The following GRM7 variants were observed in gnomAD, a reference collection of about 807,000 sequenced individuals.
The protein encoded by GRM7 is glutamate metabotropic receptor 7, also known as metabotropic glutamate receptor 7.
Under a neutral mutation model 84.5 loss-of-function variants are expected in GRM7, and 35 were observed. That is an observed-to-expected ratio of 0.41 (90% CI 0.32 to 0.55). The LOEUF (loss-of-function observed/expected upper bound fraction) is 0.55, where lower values mean the gene tolerates loss of function less well. Ranked by LOEUF, GRM7 falls within the 20% of genes least tolerant of loss-of-function variation. The pLI is 0.19. For synonymous variants in GRM7, 487 were observed against 455.1 expected, an observed-to-expected ratio of 1.07 and a Z score of -0.89; for missense variants, 1,003 against 1,194.6, an observed-to-expected ratio of 0.84 and a Z score of 2.36.
intron 1 of GRM7, among the ~76,000 whole-genome samples, chr3:7,000,845 T>C (rs911203189): frequency 5.3e-5 from 8 of 152,164 alleles, no homozygotes; most frequent in Non-Finnish European, 8.8e-5. Context: ...TCACATTCCA[T>C]TGGCCAGAGC....
intron 9 of GRM7, among the ~76,000 whole-genome samples, chr3:7,713,716 T>C (rs1245009762): frequency 6.6e-6 from 1 of 151,534 alleles, no homozygotes; most frequent in East Asian, 1.9e-4. Flanking sequence ...ATAATAATTG[T>C]AAAACTGCAA....
chr3:7,619,375 T>C (rs149728494), intron 8 of GRM7, among the ~76,000 whole-genome samples: 103 of 152,008 alleles, frequency 6.8e-4, no homozygotes, highest in African/African-American at 2.4e-3. Context: ...AGTCAGACTG[T>C]GTACACTTAC....
intron 4 of GRM7, among the ~76,000 whole-genome samples, chr3:7,350,278 C>A (rs1186839810): frequency 6.6e-6 from 1 of 151,986 alleles, no homozygotes; most frequent in African/African-American, 2.4e-5. Flanking sequence ...ATTTCATGAT[C>A]AATTGTAATG....
chr3:7,637,668 C>T (rs553937649), intron 8 of GRM7, among the ~76,000 whole-genome samples: 4 of 152,294 alleles, frequency 2.6e-5, no homozygotes, highest in South Asian at 4.1e-4. Flanking sequence ...CACCTACCTG[C>T]GGACACGCTC....
chr3:7,007,301 A>G (rs553312590), intron 1 of GRM7, among the ~76,000 whole-genome samples: 1 of 152,346 alleles, frequency 6.6e-6, no homozygotes, highest in South Asian at 2.1e-4. Context: ...GATGATAAGG[A>G]TTAAATGGAA....
chr3:7,302,896 T>A (rs1700051802), intron 3 of GRM7, among the ~76,000 whole-genome samples: 1 of 151,422 alleles, frequency 6.6e-6, no homozygotes, highest in South Asian at 2.1e-4. Context: ...CAAAGTGGTA[T>A]CTCTAGGCCA....
At chr3:6,980,932 T>C (rs1271503785) in intron 1 of GRM7, among the ~76,000 whole-genome samples, 1 of 152,140 alleles carries the variant, frequency 6.6e-6, no homozygotes. Context: ...ATTACTGAAG[T>C]TACAAAATGC....
intron 1 of GRM7, among the ~76,000 whole-genome samples, chr3:7,086,599 C>A (rs1023395020): frequency 6.6e-6 from 1 of 152,166 alleles, no homozygotes; most frequent in Non-Finnish European, 1.5e-5. Flanking sequence ...TTGATGTTTG[C>A]CAGCCTCTAG....
At position 7,300,415 on chromosome 3, in the gene GRM7, G is replaced by T. The variant is rs184788182; in HGVS notation, c.878+1590G>T. On this transcript the variant is annotated intron_variant, in intron 3 of 9. Coordinates refer to ENST00000357716, the MANE Select transcript of GRM7 (RefSeq NM_000844.4). The stretch of plus-strand genomic sequence containing the variant: ...GAAAGAGTTTTGAATTTTTAAATGA[G>T]GATTACTTGCTTCTTAGATAATGAG... Among the ~76,000 whole-genome samples the T allele has an allele frequency of 4.4e-3, 677 of 152,272 alleles. 4 individuals are homozygous for T. Among genetic ancestry groups the T allele is most frequent in the African/African-American group, 0.016 (660 of 41,560 alleles).
intron 2 of GRM7, among the ~76,000 whole-genome samples, chr3:7,170,856 C>T (rs1366055609): frequency 6.6e-6 from 1 of 152,166 alleles, no homozygotes; most frequent in Non-Finnish European, 1.5e-5. Context: ...GCTACAAGAT[C>T]TCCTTCCAGG....
At chr3:7,471,606 C>A (rs1443568608) in intron 7 of GRM7, among the ~76,000 whole-genome samples, 1 of 152,136 alleles carries the variant, frequency 6.6e-6, no homozygotes. Flanking sequence ...TCTTCCTCTT[C>A]CACTTTGAAA....
intron 4 of GRM7, among the ~76,000 whole-genome samples, chr3:7,410,679 C>G (rs145368439): frequency 1.3e-5 from 2 of 151,494 alleles, no homozygotes; most frequent in African/African-American, 4.9e-5. Flanking sequence ...CACACACACA[C>G]GCACATTTTG....
chr3:7,636,778 T>G (rs1310581016), intron 8 of GRM7, among the ~76,000 whole-genome samples: 1 of 152,106 alleles, frequency 6.6e-6, no homozygotes, highest in African/African-American at 2.4e-5. Context: ...CCCTAACTGA[T>G]CATGCCCAAA....
chr3:7,613,056 A>G (rs1696917375), intron 8 of GRM7, among the ~76,000 whole-genome samples: 1 of 151,626 alleles, frequency 6.6e-6, no homozygotes, highest in African/African-American at 2.4e-5. Flanking sequence ...TAACATATTT[A>G]TGTTATGTAA....
chr3:7,106,031 C>T (rs1441176444), intron 1 of GRM7, among the ~76,000 whole-genome samples: 1 of 151,820 alleles, frequency 6.6e-6, no homozygotes, highest in Non-Finnish European at 1.5e-5. Context: ...TTCTCAAAAA[C>T]TGTTGGGGGT....
intron 2 of GRM7, among the ~76,000 whole-genome samples, chr3:7,245,913 A>G (rs1408131437): frequency 6.6e-6 from 1 of 152,126 alleles, no homozygotes; most frequent in Non-Finnish European, 1.5e-5. Flanking sequence ...ATAGCATCAA[A>G]TTAATAAAAC....
chr3:7,050,561 T>C (rs1161128441), intron 1 of GRM7, among the ~76,000 whole-genome samples: 8 of 151,874 alleles, frequency 5.3e-5, no homozygotes, highest in Admixed American at 4.6e-4. Context: ...GCATATTTAA[T>C]AAAATCTAAA....
intron 8 of GRM7, among the ~76,000 whole-genome samples, chr3:7,600,449 A>T (rs1157425604): frequency 6.6e-6 from 1 of 152,134 alleles, no homozygotes; most frequent in East Asian, 1.9e-4. Context: ...AGTTGTCAAT[A>T]AAAACCTCTT....
intron 1 of GRM7, among the ~76,000 whole-genome samples, chr3:7,061,957 C>A (rs748287917): frequency 6.6e-6 from 1 of 151,598 alleles, no homozygotes; most frequent in African/African-American, 2.4e-5. Context: ...ATAAAAGGAC[C>A]TTCCAGGAGA....
Sources: allele counts gnomAD v4.1 joint callset (sites outside exome capture counted in the v4.1 genomes callset), GRCh38; gene constraint gnomAD v4.1.1; transcripts MANE v1.5; gene names NCBI Gene and HGNC (gene_info 2026-07-23, HGNC 2026-07-21).